Variants in HYDIN observed in about 807,000 individuals in gnomAD.
HYDIN encodes the protein HYDIN axonemal central pair apparatus protein.
HYDIN carries 132 observed loss-of-function variants against 403.9 expected under a neutral mutation model. That is an observed-to-expected ratio of 0.33 (90% confidence interval 0.28 to 0.38). The LOEUF (loss-of-function observed/expected upper bound fraction) is 0.38. Among genes scored for constraint, HYDIN ranks in the 10% least tolerant of loss-of-function variants. The pLI, the probability that HYDIN is intolerant of heterozygous loss-of-function variation, is 1.00. For missense variants in HYDIN, 2,827 were observed against 5,009.5 expected, an observed-to-expected ratio of 0.56 and a Z score of 13.15; for synonymous variants, 1,202 against 1,891.7, an observed-to-expected ratio of 0.64 and a Z score of 9.46.
chr16:70,908,937 G>A (rs2076613630), intron 47 of HYDIN, 76 bp from the exon 48 acceptor site: 3 of 1,557,812 alleles, frequency 1.9e-6, no homozygotes, highest in Non-Finnish European at 2.6e-6. Context: ...ATGGCCACAT[G>A]TCTGTCATCT....
intron 47 of HYDIN, among the ~76,000 whole-genome samples, chr16:70,912,929 T>C (rs1245490566): frequency 4.0e-5 from 6 of 149,480 alleles, no homozygotes; most frequent in South Asian, 2.2e-4. Context: ...AAGGTGTTCA[T>C]AGTAGCCTTG....
chr16:70,974,769 C>A lies in HYDIN; in HGVS notation c.4773-99G>T. On this transcript the variant is annotated intron_variant, in intron 31 of 85. Transcript: ENST00000393567. Reference sequence around the variant, plus strand: ...ATTTTTTTTTTCTACCTCCTGTGCACAGTTTTATTCTCCAGAGTGGAGAAC... The same window carrying A: ...ATTTTTTTTTTCTACCTCCTGTGCAAAGTTTTATTCTCCAGAGTGGAGAAC... The A allele has an allele frequency of 4.6e-6, 3 of 655,738 alleles. No homozygotes were observed. In the South Asian group the frequency reaches 5.8e-5, roughly 13 times the overall value. The allele number at this position is 655,738 out of a possible 1,614,324, so 40.6% of individuals were successfully genotyped here.
chr16:70,812,571 T>G (rs541142574), intron 84 of HYDIN, among the ~76,000 whole-genome samples: 2 of 152,264 alleles, frequency 1.3e-5, no homozygotes, highest in Admixed American at 6.5e-5. Flanking sequence ...ATTTCTATAT[T>G]CTTACAACAA....
chr16:71,005,084 T>C (rs1296132326), intron 23 of HYDIN, among the ~76,000 whole-genome samples: 8 of 152,234 alleles, frequency 5.3e-5, no homozygotes, highest in Non-Finnish European at 1.5e-5. Context: ...AGATTCTTTG[T>C]TGAGATCTGC....
intron 59 of HYDIN, among the ~76,000 whole-genome samples, 181 bp downstream of exon 59, chr16:70,883,739 T>G (rs911907895): frequency 2.0e-5 from 3 of 152,080 alleles, no homozygotes; most frequent in Non-Finnish European, 2.9e-5. Context: ...CCAGCTAATT[T>G]TTTGTATTTT....
At chr16:70,864,159 T>C (rs1428150887) in intron 67 of HYDIN, among the ~76,000 whole-genome samples, 2 of 151,068 alleles carry the variant, frequency 1.3e-5, no homozygotes, top group African/African-American at 4.8e-5. Flanking sequence ...AGTGAAACCC[T>C]GTCTCTTCTA....
chr16:70,878,494 T>A (rs1351750866), intron 62 of HYDIN, among the ~76,000 whole-genome samples: 2 of 134,316 alleles, frequency 1.5e-5, no homozygotes, highest in South Asian at 5.0e-4. Context: ...ATAGTGGCAA[T>A]GTCTTGTAGG....
In HYDIN at chr16:71,187,649, AAAAC is replaced by A. The variant is rs528485377; in HGVS notation, c.-23-735_-23-732del. Among the ~76,000 whole-genome samples, 21 of 152,150 alleles carry A rather than the reference AAAAC, an allele frequency of 1.4e-4. 1 individual carries two copies. The highest frequency in any genetic ancestry group is 1.9e-4 in the East Asian group (1 of 5,190). ...CAAATTAAAAACCCTAAAACCATTA[AAAAC>A]AAACAAACAAACAAACAAACAAAAA... On this transcript the variant is annotated intron_variant, in intron 1 of 85. Coordinates refer to ENST00000393567, the MANE Select transcript of HYDIN (RefSeq NM_001270974.2).
chr16:71,054,353 C>T (rs2081789016), intron 18 of HYDIN, among the ~76,000 whole-genome samples: 1 of 152,364 alleles, frequency 6.6e-6, no homozygotes, highest in South Asian at 2.1e-4. Flanking sequence ...AGCTAATCTA[C>T]TCATTGAAGC....
intron 23 of HYDIN, among the ~76,000 whole-genome samples, chr16:71,000,368 CA>C (rs1202381485): frequency 8.8e-5 from 13 of 146,918 alleles, no homozygotes; most frequent in Non-Finnish European, 1.6e-4. Context: ...AACACAAAAG[CA>C]GGAGAAAAAG....
chr16:70,947,680 A>C (rs1393955931), intron 41 of HYDIN, among the ~76,000 whole-genome samples: 1 of 152,194 alleles, frequency 6.6e-6, no homozygotes, highest in African/African-American at 2.4e-5. Context: ...ACAGAGAGCC[A>C]AACCATGAGT....
intron 47 of HYDIN, among the ~76,000 whole-genome samples, chr16:70,914,472 C>T: frequency 1.3e-5 from 2 of 148,310 alleles, no homozygotes; most frequent in African/African-American, 5.0e-5. Flanking sequence ...GGCCCCAATC[C>T]CTTCTATCTT....
chr16:71,114,297 T>C (rs1433802325), intron 10 of HYDIN, among the ~76,000 whole-genome samples: 1 of 150,914 alleles, frequency 6.6e-6, no homozygotes, highest in Non-Finnish European at 1.5e-5. Flanking sequence ...TTCCTATTTA[T>C]TCAATGGATT....
intron 75 of HYDIN, among the ~76,000 whole-genome samples, chr16:70,841,898 CAGGT>C (rs1316398930): frequency 6.7e-6 from 1 of 150,024 alleles, no homozygotes; most frequent in East Asian, 1.9e-4. Flanking sequence ...TACCCAGTCT[CAGGT>C]ATTCTGTTAT....
At chr16:70,979,319 C>T (rs1311586164) in intron 29 of HYDIN, among the ~76,000 whole-genome samples, 1 of 150,424 alleles carries the variant, frequency 6.6e-6, no homozygotes, top group Non-Finnish European at 1.5e-5. Flanking sequence ...TTTGAAGACA[C>T]TCATAGGGTG....
intron 30 of HYDIN, among the ~76,000 whole-genome samples, chr16:70,977,948 C>T (rs931800212): frequency 2.6e-5 from 4 of 151,832 alleles, no homozygotes; most frequent in Non-Finnish European, 4.4e-5. Context: ...CCTAGGGAAT[C>T]TCCCCATTTC....
chr16:71,077,898 T>G (rs1211078673), intron 13 of HYDIN, among the ~76,000 whole-genome samples: 2 of 152,112 alleles, frequency 1.3e-5, no homozygotes, highest in African/African-American at 4.8e-5. Flanking sequence ...AATTTTTATT[T>G]CTCATTATGA....
At chr16:70,956,107 A>G (rs1314517461) in intron 39 of HYDIN, among the ~76,000 whole-genome samples, 4 of 152,232 alleles carry the variant, frequency 2.6e-5, no homozygotes, top group Non-Finnish European at 5.9e-5. Context: ...GGTGTCAGCC[A>G]CTGCACAGGG....
At chr16:71,207,701 A>C (rs2088371938) in intron 1 of HYDIN, among the ~76,000 whole-genome samples, 1 of 152,180 alleles carries the variant, frequency 6.6e-6, no homozygotes, top group African/African-American at 2.4e-5. Flanking sequence ...TGACACCCAT[A>C]GGCTTGAAGT....
Sources: allele counts gnomAD v4.1 joint callset (sites outside exome capture counted in the v4.1 genomes callset), GRCh38; gene constraint gnomAD v4.1.1; transcripts MANE v1.5; gene names NCBI Gene and HGNC (gene_info 2026-07-23, HGNC 2026-07-21).